BTN3A1: variants seen among roughly 807,000 people sequenced by gnomAD.
The protein encoded by BTN3A1 is dJ45P21.3 (butyrophilin, subfamily 3, member A1).
Under a neutral mutation model 43.0 loss-of-function variants are expected in BTN3A1, and 24 were observed. The ratio of observed to expected loss-of-function variants is 0.56; its 90% CI spans 0.40 to 0.78. The LOEUF (loss-of-function observed/expected upper bound fraction) is 0.78. Among genes scored for constraint, BTN3A1 ranks in the 30% least tolerant of loss-of-function variants. The probability of loss-of-function intolerance (pLI) is 0.00; values close to 1 mark genes in which losing one functional copy is unlikely to be tolerated. For missense variants in BTN3A1, 533 were observed against 626.2 expected, an observed-to-expected ratio of 0.85 and a Z score of 1.59; for synonymous variants, 181 against 234.7, an observed-to-expected ratio of 0.77 and a Z score of 2.09.
intron 9 of BTN3A1, 114 bp from the exon 10 acceptor site, chr6:26,413,055 G>A: frequency 6.6e-7 from 1 of 1,519,466 alleles, no homozygotes; most frequent in Non-Finnish European, 8.8e-7. Flanking sequence ...GCAGACTAGG[G>A]ACACCAGGCT....
At chr6:26,405,766 C>G in intron 2 of BTN3A1, 118 bp downstream of exon 2, 1 of 1,581,466 alleles carries the variant, frequency 6.3e-7, no homozygotes, top group Non-Finnish European at 8.7e-7. Context: ...TCACCCGTCA[C>G]TAAGAGACAA....
Position 26,406,159 on chromosome 6 carries a change from A to G in BTN3A1, c.336A>G (p.Arg112=). The G allele has an allele frequency of 1.3e-6, 2 of 1,510,944 alleles. No individual in the cohort carries two copies. Among genetic ancestry groups the G allele is most frequent in the Non-Finnish European group, 1.8e-6 (2 of 1,104,798 alleles). 93.6% of individuals were successfully genotyped at this position (1,510,944 alleles called of 1,614,324 possible). The change falls in exon 3 of 10, where the codon CGA becomes CGG. Residue 112 remains arginine, a synonymous_variant. Transcript: ENST00000289361. ...DGITAGKAAL[R]IHNVTASDSG... is the part of the protein sequence containing the mutation. Reference sequence around the variant, plus strand: ...TCACTGCAGGGAAGGCTGCTCTCCGAATACACAACGTCACAGCCTCTGACA... The same window carrying G: ...TCACTGCAGGGAAGGCTGCTCTCCGGATACACAACGTCACAGCCTCTGACA...
intron 9 of BTN3A1, chr6:26,412,434 A>G (rs1237294972): frequency 9.0e-6 from 12 of 1,337,228 alleles, no homozygotes; most frequent in Admixed American, 2.0e-5. Flanking sequence ...GCCAAACCCA[A>G]CAGCAAACCA....
rs775494933 is a variant in BTN3A1, at chr6:26,405,649, G to C, written c.85+1G>C. The stretch of plus-strand genomic sequence containing the variant: ...CTTCAGCTGCTCATGCCTCACTCAG[G>C]TAGGGAACAATTCCACGCTTGTTTC... On this transcript the variant is annotated splice_donor_variant, in intron 2 of 9. Coordinates refer to ENST00000289361, the MANE Select transcript of BTN3A1 (RefSeq NM_007048.6). LOFTEE classifies it high-confidence loss of function. The C allele has an allele frequency of 6.2e-7, 1 of 1,614,090 alleles. No homozygotes were observed.
At chr6:26,411,000 TAAAAAAAAAA>T (rs1170183887) in intron 7 of BTN3A1, 99 bp from the exon 8 acceptor site, 5 of 358,844 alleles carry the variant, frequency 1.4e-5, no homozygotes, top group South Asian at 9.3e-5. Context: ...ATACAGGTGG[TAAAAAAAAAA>T]AAAAAAAAAA....
At chr6:26,407,634 G>GA in intron 3 of BTN3A1, 37 bp from the exon 4 acceptor site, 4 of 1,604,370 alleles carry the variant, frequency 2.5e-6, no homozygotes, top group Non-Finnish European at 3.4e-6. Flanking sequence ...TCTGATACAG[G>GA]CCTCTCAAGA....
intron 2 of BTN3A1, 45 bp downstream of exon 2, chr6:26,405,693 A>G: frequency 6.2e-7 from 1 of 1,606,798 alleles, no homozygotes; most frequent in South Asian, 1.1e-5. Flanking sequence ...ACAATTACCT[A>G]ATTATGTCCT....
chr6:26,413,109 A>C, intron 9 of BTN3A1, 60 bp from the exon 10 acceptor site: 1 of 1,559,378 alleles, frequency 6.4e-7, no homozygotes, highest in South Asian at 1.2e-5. Flanking sequence ...TTGCATGCTG[A>C]GGCTCTGAAA....
chr6:26,411,023 A>AAT, intron 7 of BTN3A1, 86 bp from the exon 8 acceptor site: 1 of 1,013,018 alleles, frequency 9.9e-7, no homozygotes, highest in Non-Finnish European at 1.4e-6. Context: ...AAAAAAAAAA[A>AAT]GATTAGATGG....
At position 26,409,660 on chromosome 6, in the gene BTN3A1, CAGAAAGAAAA is replaced by C; in HGVS notation, c.847_856del (p.Lys283GlufsTer5). 3 of 1,600,280 alleles carry C rather than the reference CAGAAAGAAAA, an allele frequency of 1.9e-6. No individual in the cohort carries two copies. Among genetic ancestry groups the C allele is most frequent in the Non-Finnish European group, 2.6e-6 (3 of 1,175,782 alleles). On this transcript the variant is annotated frameshift_variant, in exon 5 of 10. Coordinates refer to ENST00000289361, the MANE Select transcript of BTN3A1 (RefSeq NM_007048.6). LOFTEE classifies it high-confidence loss of function. ...AGCAGGAGGAAAAAAAGACTCAGTT[CAGAAAGAAAA>C]AGAGAGAGCAAGAGTTGAGAGAAAT...
At chr6:26,412,406 T>C in intron 9 of BTN3A1, 1 of 913,628 alleles carries the variant, frequency 1.1e-6, no homozygotes, top group Non-Finnish European at 1.8e-6. Flanking sequence ...TCCAATCTCC[T>C]ATCAGGGCCT....
intron 7 of BTN3A1, 86 bp from the exon 8 acceptor site, chr6:26,411,023 A>AAAAT: frequency 9.9e-7 from 1 of 1,013,022 alleles, no homozygotes; most frequent in Non-Finnish European, 1.4e-6. Context: ...AAAAAAAAAA[A>AAAAT]GATTAGATGG....
At chr6:26,411,025 A>AAAAAAAAAT in intron 7 of BTN3A1, 84 bp from the exon 8 acceptor site, 5 of 796,972 alleles carry the variant, frequency 6.3e-6, no homozygotes, top group Non-Finnish European at 9.8e-6. Context: ...AAAAAAAAAG[A>AAAAAAAAAT]TTAGATGGAT....
At chr6:26,410,982 G>A in intron 7 of BTN3A1, 127 bp from the exon 8 acceptor site, 1 of 718,134 alleles carries the variant, frequency 1.4e-6, no homozygotes. Context: ...AACCTGCAGA[G>A]GAGGAAGATA....
intron 3 of BTN3A1, among the ~76,000 whole-genome samples, chr6:26,407,277 C>T (rs892866443): frequency 6.6e-6 from 1 of 152,112 alleles, no homozygotes; most frequent in Non-Finnish European, 1.5e-5. Context: ...CTGTAGCAGA[C>T]GATGAAGGGA....
At chr6:26,410,336 A>G (rs1007758856) in intron 7 of BTN3A1, among the ~76,000 whole-genome samples, 2 of 152,036 alleles carry the variant, frequency 1.3e-5, no homozygotes, top group African/African-American at 4.8e-5. Flanking sequence ...TATCTCTACC[A>G]GGGGCCACAG....
rs141038573 is a variant in BTN3A1, at chr6:26,412,189, C to T, written c.1018+608C>T. ...AAGCAACAAGGAAAAGTGCAGTGCCCCCATGGTTCCCAACAGTGGGGAGCT... is the reference window on the plus strand; with the variant it reads ...AAGCAACAAGGAAAAGTGCAGTGCCTCCATGGTTCCCAACAGTGGGGAGCT... On this transcript the variant is annotated intron_variant, in intron 9 of 9. Transcript: ENST00000289361. 1,156 of 485,138 alleles carry T rather than the reference C, an allele frequency of 2.4e-3. 10 individuals are homozygous for T. Among genetic ancestry groups the T allele is most frequent in the African/African-American group, 0.019 (971 of 51,018 alleles). 30.1% of individuals were successfully genotyped at this position (485,138 alleles called of 1,614,324 possible). A position where few individuals can be genotyped will look rare whatever the true frequency, so the allele number is the denominator to read the frequency against.
intron 1 of BTN3A1, chr6:26,404,113 C>T (rs1761937383): frequency 6.6e-6 from 1 of 152,160 alleles, no homozygotes; most frequent in Non-Finnish European, 1.5e-5. Context: ...TCCTTTACAT[C>T]CCTCCCCACC....
intron 1 of BTN3A1, chr6:26,404,181 T>C (rs947902840): frequency 6.6e-6 from 1 of 152,274 alleles, no homozygotes; most frequent in African/African-American, 2.4e-5. Context: ...AGAGGGATTA[T>C]GGCTGCAGGC....
Sources: allele counts gnomAD v4.1 joint callset (sites outside exome capture counted in the v4.1 genomes callset), GRCh38; gene constraint gnomAD v4.1.1; transcripts MANE v1.5; gene names NCBI Gene and HGNC (gene_info 2026-07-23, HGNC 2026-07-21).